The following OCA2 variants were observed in gnomAD, a reference collection of about 807,000 sequenced individuals.
The protein encoded by OCA2 is P protein.
A neutral mutation model predicts 100.2 loss-of-function variants in OCA2; 77 were observed. The ratio of observed to expected loss-of-function variants is 0.77; its 90% CI spans 0.64 to 0.93. The LOEUF is 0.93. Among genes scored for constraint, OCA2 ranks in the 40% least tolerant of loss-of-function variants. OCA2 has a pLI of 0.00. For synonymous variants in OCA2, 432 were observed against 439.2 expected (o/e 0.98, Z 0.21); for missense variants, 1,062 against 1,089.1 (o/e 0.98, Z 0.35).
At chr15:28,047,251 A>G (rs1245415559) in intron 2 of OCA2, among the ~76,000 whole-genome samples, 6 of 152,184 alleles carry the variant, frequency 3.9e-5, no homozygotes, top group African/African-American at 7.2e-5. Context: ...ATTTCCCAGA[A>G]TCCTCCTCCA....
rs139277765 is a variant in OCA2, at chr15:27,792,795, A to G, written c.2433-37323T>C. Among the ~76,000 whole-genome samples the G allele has an allele frequency of 7.2e-5, 11 of 152,350 alleles. No individual in the cohort carries two copies. The East Asian group carries it at 7.7e-4, about 11-fold the overall frequency. On this transcript the variant is annotated intron_variant, in intron 23 of 23. Coordinates refer to ENST00000354638, the MANE Select transcript of OCA2 (RefSeq NM_000275.3). ...ATTCGTCTCTGAGTCCCATGGCCCAATAAAACTTAGCTGAGTTCCGTCGAC... is the reference window on the plus strand; with the variant it reads ...ATTCGTCTCTGAGTCCCATGGCCCAGTAAAACTTAGCTGAGTTCCGTCGAC...
intron 18 of OCA2, among the ~76,000 whole-genome samples, chr15:27,928,697 GC>G (rs2039136153): frequency 6.6e-6 from 1 of 152,120 alleles, no homozygotes; most frequent in Non-Finnish European, 1.5e-5. Flanking sequence ...CACATTCCCA[GC>G]CTCATGCCTC....
chr15:27,995,392 TA>T (rs894062182), intron 9 of OCA2, among the ~76,000 whole-genome samples: 1 of 152,238 alleles, frequency 6.6e-6, no homozygotes, highest in Admixed American at 6.5e-5. Context: ...TTATTTCTTT[TA>T]AAAAAAATTT....
chr15:27,875,130 G>T (rs2036735445), intron 19 of OCA2, among the ~76,000 whole-genome samples: 1 of 152,076 alleles, frequency 6.6e-6, no homozygotes, highest in Non-Finnish European at 1.5e-5. Flanking sequence ...ACGAAAAAGA[G>T]ATCATCACTA....
intron 21 of OCA2, among the ~76,000 whole-genome samples, chr15:27,856,063 C>A (rs535223773): frequency 2.0e-5 from 3 of 152,164 alleles, no homozygotes; most frequent in African/African-American, 7.2e-5. Context: ...CCTTGCCCCA[C>A]TGGTGTCTGC....
chr15:27,772,350 A>G (rs2031930459), intron 23 of OCA2, among the ~76,000 whole-genome samples: 1 of 152,224 alleles, frequency 6.6e-6, no homozygotes, highest in Admixed American at 6.5e-5. Context: ...TTTTTAATTT[A>G]CTTTTTGAAA....
chr15:28,003,205 T>A lies in OCA2; in HGVS notation c.1044+11571A>T, dbSNP rs188309488. ...TCCTATTGTATATGGAAAAGCTTTCTGCTCAGAAGCTATAGAAGCTTAGCT... is the reference window on the plus strand; with the variant it reads ...TCCTATTGTATATGGAAAAGCTTTCAGCTCAGAAGCTATAGAAGCTTAGCT... On this transcript the variant is annotated intron_variant, in intron 9 of 23. Coordinates refer to ENST00000354638, the MANE Select transcript of OCA2 (RefSeq NM_000275.3). Among the ~76,000 whole-genome samples, 1,140 of 152,390 alleles carry A rather than the reference T, an allele frequency of 7.5e-3. 18 individuals carry two copies. The highest frequency in any genetic ancestry group is 0.027 in the African/African-American group (1,105 of 41,600).
Position 27,844,945 on chromosome 15 carries a change from G to T in OCA2, c.2432+14C>A. The T allele has an allele frequency of 1.3e-6, 2 of 1,566,122 alleles. No individual in the cohort carries two copies. The highest frequency in any genetic ancestry group is 1.8e-6 in the Non-Finnish European group (2 of 1,136,514). On this transcript the variant is annotated intron_variant, in intron 23 of 23. Transcript: ENST00000354638. Reference sequence around the variant, plus strand: ...GACAGTTTAACAGAAAATTTAAAGGGAATTTAAAAGTACCTGAAAAATTCC... The same window carrying T: ...GACAGTTTAACAGAAAATTTAAAGGTAATTTAAAAGTACCTGAAAAATTCC...
intron 6 of OCA2, among the ~76,000 whole-genome samples, 166 bp downstream of exon 6, chr15:28,022,335 T>G (rs962261356): frequency 1.3e-5 from 2 of 152,164 alleles, no homozygotes; most frequent in Non-Finnish European, 2.9e-5. Context: ...TCCCCGCCCC[T>G]CTGTCCTGAG....
At chr15:27,955,875 A>G (rs1410420161) in intron 16 of OCA2, among the ~76,000 whole-genome samples, 1 of 151,792 alleles carries the variant, frequency 6.6e-6, no homozygotes, top group Admixed American at 6.6e-5. Flanking sequence ...CATGTTTCTG[A>G]CTCAGCCCAC....
intron 8 of OCA2, 49 bp downstream of exon 8, chr15:28,016,055 C>T (rs2042380855): frequency 1.4e-6 from 2 of 1,463,896 alleles, no homozygotes; most frequent in South Asian, 2.3e-5. Flanking sequence ...CCTTTAAACG[C>T]ACGTGTCCCA....
chr15:28,025,743 T>C (rs1955172870), intron 4 of OCA2, among the ~76,000 whole-genome samples: 1 of 152,204 alleles, frequency 6.6e-6, no homozygotes, highest in South Asian at 2.1e-4. Flanking sequence ...CACTAGAGCG[T>C]TTTTGCTTTG....
the OCA2 span, among the ~76,000 whole-genome samples, chr15:27,738,418 C>T: frequency 6.6e-6 from 1 of 152,272 alleles, no homozygotes; most frequent in East Asian, 1.9e-4. Context: ...AGCAAAATCA[C>T]ACGATGCGCT....
intron 6 of OCA2, among the ~76,000 whole-genome samples, chr15:28,018,837 G>C (rs948666196): frequency 6.6e-6 from 1 of 152,148 alleles, no homozygotes; most frequent in Non-Finnish European, 1.5e-5. Flanking sequence ...AAGATGGAGG[G>C]AGGCCAAGAG....
chr15:27,829,802 T>C (rs940959214), intron 23 of OCA2, among the ~76,000 whole-genome samples: 1 of 152,214 alleles, frequency 6.6e-6, no homozygotes, highest in Non-Finnish European at 1.5e-5. Flanking sequence ...GTGCAGAAGA[T>C]AGATAGTGCC....
chr15:28,037,295 A>G (rs986242069), intron 2 of OCA2, among the ~76,000 whole-genome samples: 1 of 151,918 alleles, frequency 6.6e-6, no homozygotes, highest in Non-Finnish European at 1.5e-5. Flanking sequence ...GTCCCTCTAC[A>G]CCCAGGTCAG....
At chr15:28,052,956 G>A (rs1055266028) in intron 2 of OCA2, among the ~76,000 whole-genome samples, 2 of 152,200 alleles carry the variant, frequency 1.3e-5, no homozygotes, top group African/African-American at 4.8e-5. Context: ...AGCAGACAGG[G>A]ATGGCGATGG....
chr15:27,873,210 G>A (rs2151507364), intron 19 of OCA2, among the ~76,000 whole-genome samples: 1 of 152,284 alleles, frequency 6.6e-6, no homozygotes, highest in East Asian at 1.9e-4. Context: ...TGGCTGTGGG[G>A]CTGGCCCGTG....
intron 23 of OCA2, among the ~76,000 whole-genome samples, chr15:27,809,946 C>G (rs77288773): frequency 7.6e-4 from 116 of 152,270 alleles, no homozygotes; most frequent in African/African-American, 2.7e-3. Context: ...ACACTGCCTA[C>G]AGCAATCTAC....
Sources: gnomAD v4.1 joint callset for allele counts (sites outside exome capture counted in the v4.1 genomes callset) on GRCh38, gnomAD v4.1.1 for gene constraint, MANE v1.5 for transcripts, NCBI Gene and HGNC (gene_info 2026-07-23, HGNC 2026-07-21) for gene names.